ADGRV1: variants seen among roughly 807,000 people sequenced by gnomAD.
ADGRV1 encodes G-protein coupled receptor 98.
ADGRV1 carries 359 observed loss-of-function variants against 596.2 expected under a neutral mutation model. That is an observed-to-expected ratio of 0.60 (90% confidence interval 0.55 to 0.66). ADGRV1 has a LOEUF of 0.66. Among genes scored for constraint, ADGRV1 ranks in the 30% least tolerant of loss-of-function variants. The pLI is 0.00. For missense variants in ADGRV1, 7,274 were observed against 7,575.6 expected, an observed-to-expected ratio of 0.96 and a Z score of 1.48; for synonymous variants, 2,681 against 2,679.2, an observed-to-expected ratio of 1.00 and a Z score of -0.02.
intron 64 of ADGRV1, chr5:90,780,221 T>C (rs937209654): frequency 6.6e-6 from 1 of 152,212 alleles, no homozygotes; most frequent in Non-Finnish European, 1.5e-5. Context: ...AGTTTAATTC[T>C]GGGGAAACAA....
intron 68 of ADGRV1, among the ~76,000 whole-genome samples, chr5:90,788,735 C>G (rs952835818): frequency 1.3e-5 from 2 of 152,112 alleles, no homozygotes; most frequent in Non-Finnish European, 2.9e-5. Flanking sequence ...GGGACCAAGA[C>G]TACTGAAAAT....
intron 89 of ADGRV1, among the ~76,000 whole-genome samples, chr5:91,155,289 A>G (rs942635693): frequency 6.6e-6 from 1 of 152,176 alleles, no homozygotes; most frequent in African/African-American, 2.4e-5. Flanking sequence ...GAATGGAGGA[A>G]AGGGCATTAG....
intron 1 of ADGRV1, among the ~76,000 whole-genome samples, chr5:90,588,426 G>A (rs1483069163): frequency 6.6e-6 from 1 of 152,246 alleles, no homozygotes; most frequent in African/African-American, 2.4e-5. Flanking sequence ...TTTAGGGGAA[G>A]TTAGGAAATT....
intron 85 of ADGRV1, among the ~76,000 whole-genome samples, chr5:91,029,848 C>T (rs994376264): frequency 2.0e-5 from 3 of 152,072 alleles, no homozygotes; most frequent in East Asian, 1.9e-4. Flanking sequence ...TTTTCCTTAA[C>T]TCTTGATTTT....
intron 83 of ADGRV1, among the ~76,000 whole-genome samples, chr5:90,892,934 G>A (rs1047344899): frequency 6.6e-6 from 1 of 152,160 alleles, no homozygotes; most frequent in African/African-American, 2.4e-5. Context: ...CCAAGATGGA[G>A]TAACAGGGGT....
chr5:90,748,692 A>G (rs1472626929), intron 52 of ADGRV1, among the ~76,000 whole-genome samples: 3 of 152,160 alleles, frequency 2.0e-5, no homozygotes, highest in Admixed American at 6.6e-5. Context: ...CTGCAAAATG[A>G]TACCTTACCA....
intron 9 of ADGRV1, among the ~76,000 whole-genome samples, chr5:90,631,537 A>G (rs12653924): frequency 0.37 from 56,256 of 151,962 alleles, 11,505 homozygotes; most frequent in Admixed American, 0.54. Flanking sequence ...CCTGATCTTC[A>G]TCTTTATTAT....
At chr5:90,651,483 C>A in intron 17 of ADGRV1, 121 bp from the exon 18 acceptor site, 2 of 797,532 alleles carry the variant, frequency 2.5e-6, no homozygotes, top group Non-Finnish European at 1.9e-6. Flanking sequence ...ATATGACCTT[C>A]AGTGAGGAAA....
rs777032531 is a variant in ADGRV1 at position 90,720,077 on chromosome 5, G to A, written c.9477G>A (p.Thr3159=). ...TACAAATATCTGCCATATTAGACAC[G>A]GAACCAGAAATGGATGAGTATTTTG... ...KALQISAILD[T]EPEMDEYFVC... Residue 3159 remains threonine, a synonymous_variant, in exon 44 of 90, where the codon ACG becomes ACA. Transcript: ENST00000405460. 5 of 1,613,324 alleles carry A rather than the reference G, an allele frequency of 3.1e-6. No homozygotes were observed. Among genetic ancestry groups the A allele is most frequent in the African/African-American group, 2.7e-5 (2 of 74,868 alleles).
At chr5:91,032,503 T>G (rs983524412) in intron 85 of ADGRV1, among the ~76,000 whole-genome samples, 1 of 152,100 alleles carries the variant, frequency 6.6e-6, no homozygotes, top group Middle Eastern at 3.2e-3. Context: ...TATTGGCTTA[T>G]ATCATTAGTA....
chr5:90,701,839 T>G (rs754980876), intron 34 of ADGRV1, among the ~76,000 whole-genome samples: 11 of 151,942 alleles, frequency 7.2e-5, no homozygotes. Context: ...TGTCTAAACT[T>G]GCAACTGCAA....
At chr5:91,057,513 T>G (rs1196515889) in intron 85 of ADGRV1, among the ~76,000 whole-genome samples, 1 of 152,234 alleles carries the variant, frequency 6.6e-6, no homozygotes, top group Non-Finnish European at 1.5e-5. Context: ...TTTAGACTAT[T>G]TGGACTTTTC....
chr5:90,979,993 C>T (rs1001626739), intron 84 of ADGRV1, among the ~76,000 whole-genome samples: 5 of 152,042 alleles, frequency 3.3e-5, no homozygotes, highest in South Asian at 4.1e-4. Flanking sequence ...CTTCCTTTTC[C>T]GTATTTGTAT....
intron 1 of ADGRV1, among the ~76,000 whole-genome samples, chr5:90,569,024 T>C (rs1162423577): frequency 1.3e-5 from 2 of 152,148 alleles, no homozygotes; most frequent in African/African-American, 2.4e-5. Context: ...AGAACTTGGC[T>C]CTGGTATCTG....
intron 83 of ADGRV1, among the ~76,000 whole-genome samples, chr5:90,864,190 G>T (rs1177945095): frequency 6.6e-6 from 1 of 151,942 alleles, no homozygotes; most frequent in African/African-American, 2.4e-5. Context: ...TTTGAAATAT[G>T]CTGTGTTATA....
At chr5:90,821,704 G>A (rs921192930) in intron 75 of ADGRV1, among the ~76,000 whole-genome samples, 12 of 151,710 alleles carry the variant, frequency 7.9e-5, no homozygotes, top group African/African-American at 2.4e-4. Flanking sequence ...CCCTGCTGGG[G>A]GGTGCCTCCC....
intron 44 of ADGRV1, 40 bp downstream of exon 44, chr5:90,720,263 A>T (rs535755253): frequency 1.6e-6 from 2 of 1,229,440 alleles, no homozygotes; most frequent in African/African-American, 1.5e-5. Context: ...TTCTGAAGCT[A>T]TAAGTAGGGA....
intron 1 of ADGRV1, among the ~76,000 whole-genome samples, chr5:90,586,625 T>A (rs1758796637): frequency 6.6e-6 from 1 of 152,202 alleles, no homozygotes; most frequent in African/African-American, 2.4e-5. Flanking sequence ...CAATTAGATT[T>A]AGGTTCTGCT....
intron 83 of ADGRV1, among the ~76,000 whole-genome samples, chr5:90,952,622 A>G (rs761273281): frequency 6.4e-4 from 98 of 152,248 alleles, no homozygotes; most frequent in Middle Eastern, 3.4e-3. Context: ...TCTTACTCCA[A>G]ATATTATTTT....
Sources: allele counts gnomAD v4.1 joint callset (sites outside exome capture counted in the v4.1 genomes callset), GRCh38; gene constraint gnomAD v4.1.1; transcripts MANE v1.5; gene names NCBI Gene and HGNC (gene_info 2026-07-23, HGNC 2026-07-21).